The following SND1 variants were observed in gnomAD, a reference collection of about 807,000 sequenced individuals.
SND1 encodes staphylococcal nuclease and tudor domain containing 1.
Under a neutral mutation model 121.7 loss-of-function variants are expected in SND1, and 38 were observed. The ratio of observed to expected loss-of-function variants is 0.31; its 90% CI spans 0.24 to 0.41. The LOEUF (loss-of-function observed/expected upper bound fraction) is 0.41, where lower values mean the gene tolerates loss of function less well. Among genes scored for constraint, SND1 ranks in the 10% least tolerant of loss-of-function variants. SND1 has a pLI of 1.00. For missense variants in SND1, 868 were observed against 1,184.6 expected (o/e 0.73, Z 3.92); for synonymous variants, 401 against 447.4 (o/e 0.90, Z 1.31).
chr7:127,989,401 A>G (rs889573250), intron 15 of SND1, among the ~76,000 whole-genome samples: 8 of 152,168 alleles, frequency 5.3e-5, no homozygotes, highest in African/African-American at 1.4e-4. Context: ...CTGAAAGCCC[A>G]ATATATAGCC....
intron 10 of SND1, among the ~76,000 whole-genome samples, chr7:127,741,848 C>T (rs116944008): frequency 0.018 from 2,676 of 152,258 alleles, 51 homozygotes; most frequent in Middle Eastern, 0.034. Flanking sequence ...TTAATCCCCT[C>T]AGTGTTTCCC....
At chr7:127,656,947 C>T (rs1268018471) in intron 1 of SND1, among the ~76,000 whole-genome samples, 3 of 152,162 alleles carry the variant, frequency 2.0e-5, no homozygotes, top group East Asian at 3.8e-4. Flanking sequence ...GCCCATTTCC[C>T]GGCAGGTAAG....
chr7:128,079,333 TC>T (rs1793559249), intron 17 of SND1, among the ~76,000 whole-genome samples: 1 of 152,246 alleles, frequency 6.6e-6, no homozygotes, highest in African/African-American at 2.4e-5. Context: ...AGGGCCTCTG[TC>T]CTGACTAGAG....
intron 15 of SND1, among the ~76,000 whole-genome samples, chr7:127,983,105 G>A (rs577229399): frequency 3.3e-5 from 5 of 152,256 alleles, no homozygotes; most frequent in African/African-American, 1.2e-4. Context: ...GCCTTTATAC[G>A]GAGTTTAAGT....
intron 12 of SND1, among the ~76,000 whole-genome samples, chr7:127,861,267 G>A (rs929017241): frequency 6.6e-6 from 1 of 152,164 alleles, no homozygotes; most frequent in African/African-American, 2.4e-5. Flanking sequence ...GCTTTTCAGG[G>A]AGAGATGTAA....
At chr7:127,810,337 TG>T (rs1798313147) in intron 11 of SND1, among the ~76,000 whole-genome samples, 2 of 151,942 alleles carry the variant, frequency 1.3e-5, no homozygotes, top group Non-Finnish European at 2.9e-5. Context: ...ATTGAGAGAG[TG>T]GTAGAAGAAT....
At chr7:127,925,755 T>A (rs1161607662) in intron 14 of SND1, among the ~76,000 whole-genome samples, 1 of 151,710 alleles carries the variant, frequency 6.6e-6, no homozygotes, top group Non-Finnish European at 1.5e-5. Context: ...AGGCACACCC[T>A]GCTATACCCA....
At chr7:127,767,088 C>A (rs1157102357) in intron 10 of SND1, among the ~76,000 whole-genome samples, 1 of 152,042 alleles carries the variant, frequency 6.6e-6, no homozygotes, top group African/African-American at 2.4e-5. Flanking sequence ...AAGTGGCTAG[C>A]TTGCAAAACT....
intron 10 of SND1, among the ~76,000 whole-genome samples, chr7:127,732,464 T>G (rs1796696977): frequency 6.6e-6 from 1 of 152,226 alleles, no homozygotes; most frequent in Non-Finnish European, 1.5e-5. Context: ...TTGTCTTGTG[T>G]TGTTCAAAAA....
At chr7:127,958,688 T>TA (rs1801657480) in intron 15 of SND1, among the ~76,000 whole-genome samples, 1 of 152,158 alleles carries the variant, frequency 6.6e-6, no homozygotes, top group Non-Finnish European at 1.5e-5. Flanking sequence ...GCCTGTCCCT[T>TA]ATGAAACTCT....
intron 16 of SND1, among the ~76,000 whole-genome samples, chr7:128,051,272 T>C (rs1380301086): frequency 6.6e-6 from 1 of 152,202 alleles, no homozygotes; most frequent in Non-Finnish European, 1.5e-5. Context: ...ACATTTGAGA[T>C]GAACAAGACT....
intron 16 of SND1, among the ~76,000 whole-genome samples, chr7:128,036,373 C>T (rs565860941): frequency 6.6e-6 from 1 of 152,322 alleles, no homozygotes; most frequent in Admixed American, 6.5e-5. Flanking sequence ...TACCCACAGT[C>T]ATAAAGGGAA....
intron 17 of SND1, among the ~76,000 whole-genome samples, chr7:128,075,186 T>C (rs1793486925): frequency 7.3e-6 from 1 of 136,658 alleles, no homozygotes; most frequent in East Asian, 2.0e-4. Flanking sequence ...GGGCACCGCA[T>C]TGAAGAGACA....
intron 11 of SND1, among the ~76,000 whole-genome samples, chr7:127,843,574 T>C (rs1799003544): frequency 6.6e-6 from 1 of 152,220 alleles, no homozygotes; most frequent in Non-Finnish European, 1.5e-5. Flanking sequence ...GCTTGATAGC[T>C]CATTTCTTTT....
intron 9 of SND1, 138 bp downstream of exon 9, chr7:127,707,785 G>GTGTA: frequency 1.7e-6 from 1 of 595,984 alleles, no homozygotes; most frequent in Non-Finnish European, 3.0e-6. Flanking sequence ...GTGTGTGTGT[G>GTGTA]TGTGTGTGTG....
chr7:127,969,076 G>C (rs1363684262), intron 15 of SND1, among the ~76,000 whole-genome samples: 1 of 152,128 alleles, frequency 6.6e-6, no homozygotes, highest in South Asian at 2.1e-4. Context: ...CTATTGCCTA[G>C]TCCACTACCT....
At chr7:127,845,232 G>T (rs777573459) in intron 12 of SND1, among the ~76,000 whole-genome samples, 6 of 152,350 alleles carry the variant, frequency 3.9e-5, no homozygotes, top group Non-Finnish European at 7.3e-5. Flanking sequence ...CCAAGCTATT[G>T]CAGGCCTCTG....
At chr7:127,795,790 G>A (rs1374793806) in intron 10 of SND1, among the ~76,000 whole-genome samples, 1 of 151,984 alleles carries the variant, frequency 6.6e-6, no homozygotes, top group East Asian at 1.9e-4. Flanking sequence ...AAGGGTCTAG[G>A]TTTTGCAGTT....
chr7:127,711,367 A>G (rs113997729), intron 9 of SND1, among the ~76,000 whole-genome samples: 202 of 152,348 alleles, frequency 1.3e-3, no homozygotes, highest in African/African-American at 4.6e-3. Context: ...TTAGCTGGAT[A>G]TAGAATTTTA....
Sources: gnomAD v4.1 joint callset for allele counts (sites outside exome capture counted in the v4.1 genomes callset) on GRCh38, gnomAD v4.1.1 for gene constraint, MANE v1.5 for transcripts, NCBI Gene and HGNC (gene_info 2026-07-23, HGNC 2026-07-21) for gene names.